Variants in HS3ST4 observed in about 807,000 individuals in gnomAD.
The protein encoded by HS3ST4 is heparan sulfate glucosamine 3-O-sulfotransferase 4.
A neutral mutation model predicts 29.2 loss-of-function variants in HS3ST4; 17 were observed. That is an observed-to-expected ratio of 0.58 (90% CI 0.40 to 0.87). The LOEUF (loss-of-function observed/expected upper bound fraction) is 0.87. Among genes scored for constraint, HS3ST4 ranks in the 40% least tolerant of loss-of-function variants. The pLI is 0.00. For missense variants in HS3ST4, 627 were observed against 634.5 expected, an observed-to-expected ratio of 0.99 and a Z score of 0.13; for synonymous variants, 314 against 285.7, an observed-to-expected ratio of 1.10 and a Z score of -1.00.
At chr16:25,798,593 G>A (rs1384078601) in intron 1 of HS3ST4, among the ~76,000 whole-genome samples, 1 of 152,122 alleles carries the variant, frequency 6.6e-6, no homozygotes, top group Non-Finnish European at 1.5e-5. Context: ...GATGCTAATG[G>A]GGTGGTGGAA....
chr16:26,037,094 G>A (rs1045819065), intron 1 of HS3ST4, among the ~76,000 whole-genome samples: 4 of 152,154 alleles, frequency 2.6e-5, no homozygotes, highest in Non-Finnish European at 5.9e-5. Flanking sequence ...TTGGGTAAAA[G>A]GCAATGATCT....
rs149420724 is a variant in HS3ST4, at chr16:25,939,872, C to T, written c.735-195740C>T. ...TATGGCCCCAAATGCAAATATTTAA[C>T]GTGACTTTTCAGCTTTGCTGCCTGG... On this transcript the variant is annotated intron_variant, in intron 1 of 1. Coordinates refer to ENST00000331351, the MANE Select transcript of HS3ST4 (RefSeq NM_006040.3). Among the ~76,000 whole-genome samples, 653 of 152,252 alleles carry T rather than the reference C, an allele frequency of 4.3e-3. 3 individuals carry two copies. The highest frequency in any genetic ancestry group is 0.011 in the South Asian group (52 of 4,826).
intron 1 of HS3ST4, among the ~76,000 whole-genome samples, chr16:25,699,851 A>G (rs1225627845): frequency 6.6e-6 from 1 of 152,182 alleles, no homozygotes; most frequent in Non-Finnish European, 1.5e-5. Flanking sequence ...CCGCTGCCAA[A>G]GGATTACGTG....
Position 26,135,748 on chromosome 16 carries a change from GTGACCAGGGCCATCTCTGAC to G in HS3ST4, c.873_892del (p.Thr292HisfsTer14), listed in dbSNP as rs761080551. 1 of 1,614,128 alleles carries G rather than the reference GTGACCAGGGCCATCTCTGAC, an allele frequency of 6.2e-7. No homozygotes were observed. The highest frequency in any genetic ancestry group is 1.7e-5 in the Admixed American group (1 of 60,022). On this transcript the variant is annotated frameshift_variant, in exon 2 of 2. Coordinates refer to ENST00000331351, the MANE Select transcript of HS3ST4 (RefSeq NM_006040.3). LOFTEE classifies it high-confidence loss of function. ...ACTGATTGTGGTGGTGAGAAACCCC[GTGACCAGGGCCATCTCTGAC>G]TACACGCAGACACTGTCAAAGAAAC... is the stretch of plus-strand genomic sequence containing the variant.
intron 1 of HS3ST4, among the ~76,000 whole-genome samples, chr16:26,047,367 T>C (rs1898283802): frequency 6.6e-6 from 1 of 152,200 alleles, no homozygotes. Flanking sequence ...TCGATCAATA[T>C]TTTTTTGTTC....
intron 1 of HS3ST4, among the ~76,000 whole-genome samples, chr16:25,945,524 C>T (rs763311825): frequency 6.6e-6 from 1 of 152,108 alleles, no homozygotes; most frequent in South Asian, 2.1e-4. Context: ...ATAATTGCTG[C>T]ATCACAGTAA....
intron 1 of HS3ST4, among the ~76,000 whole-genome samples, chr16:26,051,656 C>T (rs1294251168): frequency 1.3e-5 from 2 of 151,850 alleles, no homozygotes; most frequent in Admixed American, 1.3e-4. Context: ...GAGGGCCCCA[C>T]CACTCTCCCT....
At chr16:25,816,363 A>T in intron 1 of HS3ST4, among the ~76,000 whole-genome samples, 1 of 152,198 alleles carries the variant, frequency 6.6e-6, no homozygotes, top group East Asian at 1.9e-4. Flanking sequence ...ATTGACAGTC[A>T]GAGGCGATCG....
chr16:25,777,333 T>C (rs371001140), intron 1 of HS3ST4, among the ~76,000 whole-genome samples: 2 of 152,360 alleles, frequency 1.3e-5, no homozygotes, highest in South Asian at 2.1e-4. Context: ...CACTTATTTA[T>C]TCAGCAAACA....
intron 1 of HS3ST4, among the ~76,000 whole-genome samples, chr16:25,847,111 G>A (rs1412015534): frequency 2.0e-5 from 3 of 151,164 alleles, no homozygotes; most frequent in African/African-American, 4.9e-5. Flanking sequence ...ATTCTTAGCA[G>A]GATTACATTG....
At chr16:25,974,154 C>T (rs1470845506) in intron 1 of HS3ST4, among the ~76,000 whole-genome samples, 1 of 152,204 alleles carries the variant, frequency 6.6e-6, no homozygotes, top group African/African-American at 2.4e-5. Context: ...ATCTGCCAGC[C>T]TCTCTTTCTG....
chr16:26,124,299 T>C (rs1899314388), intron 1 of HS3ST4, among the ~76,000 whole-genome samples: 1 of 151,676 alleles, frequency 6.6e-6, no homozygotes, highest in African/African-American at 2.4e-5. Context: ...CTATAGTTGC[T>C]AAATTCATGA....
At chr16:26,057,579 T>G (rs1596666005) in intron 1 of HS3ST4, among the ~76,000 whole-genome samples, 1 of 151,964 alleles carries the variant, frequency 6.6e-6, no homozygotes, top group Non-Finnish European at 1.5e-5. Flanking sequence ...ATGGTGAAAC[T>G]CCGTCTCTAC....
At chr16:25,850,152 A>G (rs1967503717) in intron 1 of HS3ST4, among the ~76,000 whole-genome samples, 1 of 151,926 alleles carries the variant, frequency 6.6e-6, no homozygotes, top group African/African-American at 2.4e-5. Flanking sequence ...GGCATGCACC[A>G]CCATGCCTGG....
chr16:25,693,066 A>G lies in HS3ST4; in HGVS notation c.649A>G (p.Ile217Val). 2 of 1,608,856 alleles carry G rather than the reference A, an allele frequency of 1.2e-6. No homozygotes were observed. Among genetic ancestry groups the G allele is most frequent in the Non-Finnish European group, 1.7e-6 (2 of 1,178,042 alleles). ...AGGGACCCGCGCGCTGCTGGAGGCGATCCGCGTGCACCCGGACGTGCGGGC... is the reference window on the plus strand; with the variant it reads ...AGGGACCCGCGCGCTGCTGGAGGCGGTCCGCGTGCACCCGGACGTGCGGGC... ...KGGTRALLEAIRVHPDVRAVG... is the reference protein window; with the variant it reads ...KGGTRALLEAVRVHPDVRAVG... The change falls in exon 1 of 2, where the codon ATC (isoleucine) becomes GTC (valine). Residue 217 changes from isoleucine (I) to valine (V), a missense_variant. Physicochemically the swap from Ile to Val is conservative, Grantham distance 29. Around this residue, in one of 2 missense-constraint regions of HS3ST4, gnomAD observed 402 missense variants for 340.8 expected, o/e 1.18. Coordinates refer to ENST00000331351, the MANE Select transcript of HS3ST4 (RefSeq NM_006040.3).
At chr16:25,754,929 C>T (rs1966747206) in intron 1 of HS3ST4, among the ~76,000 whole-genome samples, 1 of 151,968 alleles carries the variant, frequency 6.6e-6, no homozygotes, top group African/African-American at 2.4e-5. Flanking sequence ...ATCCATTCAT[C>T]CACCCATCTG....
At chr16:26,006,691 C>A (rs1010351722) in intron 1 of HS3ST4, among the ~76,000 whole-genome samples, 1 of 152,140 alleles carries the variant, frequency 6.6e-6, no homozygotes. Flanking sequence ...GAAAAGACAT[C>A]TCAAAAAGCC....
At chr16:25,912,321 C>CT (rs1159718976) in intron 1 of HS3ST4, among the ~76,000 whole-genome samples, 1 of 152,198 alleles carries the variant, frequency 6.6e-6, no homozygotes, top group Non-Finnish European at 1.5e-5. Context: ...TCTTCAATGA[C>CT]TGTGTTCCCT....
At chr16:25,901,096 T>C (rs1968116263) in intron 1 of HS3ST4, among the ~76,000 whole-genome samples, 1 of 152,198 alleles carries the variant, frequency 6.6e-6, no homozygotes, top group African/African-American at 2.4e-5. Context: ...TGAGCTCATA[T>C]GCATGGAATC....
Sources: gnomAD v4.1 joint callset for allele counts (sites outside exome capture counted in the v4.1 genomes callset) on GRCh38, gnomAD v4.1.1 for gene constraint, gnomAD v4.1.1 regional missense constraint, MANE v1.5 for transcripts, NCBI Gene and HGNC (gene_info 2026-07-23, HGNC 2026-07-21) for gene names.